Variants in SYNE1 observed in about 807,000 individuals in gnomAD.
SYNE1 encodes the protein spectrin repeat containing nuclear envelope protein 1, also known as nesprin-1.
SYNE1 carries 616 observed loss-of-function variants against 1,111.0 expected under a neutral mutation model. The ratio of observed to expected loss-of-function variants is 0.55; its 90% CI spans 0.52 to 0.59. The LOEUF (loss-of-function observed/expected upper bound fraction) is 0.59. Ranked by LOEUF, SYNE1 falls within the 20% of genes least tolerant of loss-of-function variation. The pLI, the probability that SYNE1 is intolerant of heterozygous loss-of-function variation, is 0.00. For missense variants in SYNE1, 10,006 were observed against 10,417.0 expected, an observed-to-expected ratio of 0.96 and a Z score of 1.72; for synonymous variants, 3,855 against 3,825.8, an observed-to-expected ratio of 1.01 and a Z score of -0.28.
At chr6:152,344,253 T>C in intron 73 of SYNE1, 26 bp from the exon 74 acceptor site, 1 of 1,614,036 alleles carries the variant, frequency 6.2e-7, no homozygotes, top group East Asian at 2.2e-5. Flanking sequence ...CATGCTGAGA[T>C]TATGAGAACT....
In SYNE1 at chr6:152,154,214, T is replaced by C. The variant is rs113318845; in HGVS notation, c.24129+678A>G. Reference sequence around the variant, plus strand: ...AGGCAGCTGAGAAGTCAGAGCTTCATTGTACAACAGTGATAGAGTGGACTC... The same window carrying C: ...AGGCAGCTGAGAAGTCAGAGCTTCACTGTACAACAGTGATAGAGTGGACTC... On this transcript the variant is annotated intron_variant, in intron 133 of 145. Coordinates refer to ENST00000367255, the MANE Select transcript of SYNE1 (RefSeq NM_182961.4). 1.3e-3 allele frequency among the ~76,000 whole-genome samples: 199 copies of C among 152,304 alleles called. 1 individual carries two copies. Among genetic ancestry groups the C allele is most frequent in the African/African-American group, 4.4e-3 (182 of 41,574 alleles).
At position 152,430,953 on chromosome 6, in the gene SYNE1, T is replaced by A. The variant is rs76844148; in HGVS notation, c.4462-244A>T. Among the ~76,000 whole-genome samples, 3,724 of 152,224 alleles carry A rather than the reference T, an allele frequency of 0.024. 175 individuals are homozygous for A. The highest frequency in any genetic ancestry group is 0.085 in the African/African-American group (3,534 of 41,540). On this transcript the variant is annotated intron_variant, in intron 34 of 145. Transcript: ENST00000367255. ...AGAGCATACGGAGAAATAGCTACTC[T>A]TGCTTGCAGTGAAGTAAGCAAGGAG...
chr6:152,151,753 G>T, intron 134 of SYNE1, 63 bp from the exon 135 acceptor site: 2 of 1,575,132 alleles, frequency 1.3e-6, no homozygotes. Flanking sequence ...AACATATGGA[G>T]ATGGCACAGC....
chr6:152,151,716 C>T, intron 134 of SYNE1, 26 bp from the exon 135 acceptor site: 2 of 1,609,790 alleles, frequency 1.2e-6, no homozygotes, highest in South Asian at 2.2e-5. Context: ...AAAGTAGTAA[C>T]AATTATTTTT....
intron 45 of SYNE1, among the ~76,000 whole-genome samples, chr6:152,405,527 A>G (rs2097885086): frequency 6.6e-6 from 1 of 152,208 alleles, no homozygotes; most frequent in African/African-American, 2.4e-5. Flanking sequence ...ATGAAAAGTG[A>G]TATGTTTTTA....
chr6:152,631,541 G>A lies in SYNE1; in HGVS notation c.-223-2987C>T, dbSNP rs373803953. Among the ~76,000 whole-genome samples, 13 of 152,296 alleles carry A rather than the reference G, an allele frequency of 8.5e-5. No individual in the cohort carries two copies. The East Asian group carries it at 2.3e-3, about 27-fold the overall frequency. On this transcript the variant is annotated intron_variant, in intron 2 of 145. Transcript: ENST00000367255. ...GGATTATTCTAGCTATGATTTTAAA[G>A]GATGTATTTGAGAAGGACAAAACTG...
intron 98 of SYNE1, 175 bp downstream of exon 98, chr6:152,277,914 T>C (rs1399853344): frequency 1.3e-6 from 1 of 772,930 alleles, no homozygotes; most frequent in Non-Finnish European, 2.3e-6. Flanking sequence ...TTTGCAAATG[T>C]TTGCCAAAGT....
intron 64 of SYNE1, among the ~76,000 whole-genome samples, chr6:152,361,197 T>C (rs111333348): frequency 2.0e-4 from 31 of 152,128 alleles, no homozygotes; most frequent in African/African-American, 6.5e-4. Flanking sequence ...GTTCAGGAGA[T>C]AGTGTGAGAT....
intron 3 of SYNE1, among the ~76,000 whole-genome samples, chr6:152,543,670 C>A (rs922872056): frequency 6.6e-6 from 1 of 152,222 alleles, no homozygotes; most frequent in Admixed American, 6.5e-5. Context: ...TGACGAACCT[C>A]ATAGATGACA....
At position 152,318,263 on chromosome 6, in the gene SYNE1, C is replaced by T. The variant is rs910531962; in HGVS notation, c.16390G>A (p.Val5464Met). ...NVVQAKTDQK[V>M]LGEELDGCNS... ...CAGCCATCTAATTCCTCTCCCAGCA[C>T]CTTGATGGTCACCAAAATGAAAGAA... Residue 5464 changes from valine (V) to methionine (M), a missense_variant and splice_region_variant, in exon 86 of 146, where the codon GTG becomes ATG. Val to Met is a conservative substitution (Grantham distance 21). Coordinates refer to ENST00000367255, the MANE Select transcript of SYNE1 (RefSeq NM_182961.4). 3 of 1,614,002 alleles carry T rather than the reference C, an allele frequency of 1.9e-6. No individual in the cohort carries two copies. The highest frequency in any genetic ancestry group is 2.2e-5 in the East Asian group (1 of 44,892).
chr6:152,269,677 T>C (rs1252142702), intron 98 of SYNE1, among the ~76,000 whole-genome samples: 1 of 152,156 alleles, frequency 6.6e-6, no homozygotes, highest in East Asian at 1.9e-4. Context: ...CCCACAATAA[T>C]TGTGTCTCTC....
At chr6:152,519,379 C>A (rs148569627) in intron 6 of SYNE1, among the ~76,000 whole-genome samples, 4 of 152,174 alleles carry the variant, frequency 2.6e-5, no homozygotes, top group Non-Finnish European at 5.9e-5. Context: ...AAATAAAAAT[C>A]TGCTTGAAAA....
At chr6:152,283,923 A>G (rs771297679) in intron 96 of SYNE1, 55 bp downstream of exon 96, 23 of 1,398,002 alleles carry the variant, frequency 1.6e-5, no homozygotes, top group Middle Eastern at 2.0e-4. Flanking sequence ...ACTTGGTAAC[A>G]CAACGTTAAA....
chr6:152,492,149 C>A (rs2098973923), intron 11 of SYNE1, among the ~76,000 whole-genome samples: 1 of 152,166 alleles, frequency 6.6e-6, no homozygotes, highest in South Asian at 2.1e-4. Context: ...TTGGCAACAA[C>A]CCTTAGATGC....
chr6:152,386,500 AAAC>A (rs144421996), intron 54 of SYNE1, among the ~76,000 whole-genome samples: 3,725 of 152,284 alleles, frequency 0.024, 179 homozygotes, highest in African/African-American at 0.085. Context: ...AAAAAGCAGC[AAAC>A]AACAACAACT....
At chr6:152,382,640 T>C (rs956950219) in intron 55 of SYNE1, among the ~76,000 whole-genome samples, 20 of 152,204 alleles carry the variant, frequency 1.3e-4, no homozygotes, top group Admixed American at 1.3e-3. Flanking sequence ...TATTAGTGTG[T>C]ATAGTAGTTA....
intron 6 of SYNE1, among the ~76,000 whole-genome samples, chr6:152,513,448 C>T (rs910120587): frequency 1.3e-5 from 2 of 152,078 alleles, no homozygotes; most frequent in African/African-American, 4.8e-5. Context: ...CAGGTTCAAG[C>T]GATTCTCCTG....
At chr6:152,300,967 G>C (rs564630562) in intron 92 of SYNE1, among the ~76,000 whole-genome samples, 186 bp from the exon 93 acceptor site, 3 of 152,308 alleles carry the variant, frequency 2.0e-5, no homozygotes, top group Admixed American at 2.0e-4. Flanking sequence ...TATGATGCTA[G>C]TAATCATTTG....
At chr6:152,136,424 G>A (rs2057090104) in intron 141 of SYNE1, among the ~76,000 whole-genome samples, 194 bp downstream of exon 141, 1 of 152,220 alleles carries the variant, frequency 6.6e-6, no homozygotes, top group Non-Finnish European at 1.5e-5. Flanking sequence ...AGGACCTAGA[G>A]ATTTTGAACA....
Sources: allele counts gnomAD v4.1 joint callset (sites outside exome capture counted in the v4.1 genomes callset), GRCh38; gene constraint gnomAD v4.1.1; transcripts MANE v1.5; gene names NCBI Gene and HGNC (gene_info 2026-07-23, HGNC 2026-07-21).